BRAF: variants seen among roughly 807,000 people sequenced by gnomAD.
BRAF encodes the protein B-Raf proto-oncogene, serine/threonine kinase.
Under a neutral mutation model 104.6 loss-of-function variants are expected in BRAF, and 16 were observed. The observed-to-expected ratio is 0.15, with a 90% CI of 0.10 to 0.23. The LOEUF is 0.23. Ranked by LOEUF, BRAF falls within the 10% of genes least tolerant of loss-of-function variation. The pLI, the probability that BRAF is intolerant of heterozygous loss-of-function variation, is 1.00. For synonymous variants in BRAF, 310 were observed against 341.6 expected (o/e 0.91, Z 1.02); for missense variants, 541 against 937.3 (o/e 0.58, Z 5.52).
intron 7 of BRAF, 93 bp from the exon 8 acceptor site, chr7:140,794,560 T>C (rs1802326564): frequency 7.0e-7 from 1 of 1,421,658 alleles, no homozygotes; most frequent in South Asian, 1.2e-5. Flanking sequence ...TTTCTTGTTT[T>C]TATATTCTCA....
intron 1 of BRAF, among the ~76,000 whole-genome samples, chr7:140,871,239 CAAAAAAA>C (rs11284186): frequency 3.6e-4 from 22 of 61,176 alleles, no homozygotes; most frequent in African/African-American, 1.2e-3. Context: ...GACTCCGTCT[CAAAAAAA>C]AAAAAAAAAA....
intron 2 of BRAF, among the ~76,000 whole-genome samples, chr7:140,843,039 A>C (rs1217744214): frequency 6.6e-6 from 1 of 152,204 alleles, no homozygotes; most frequent in Non-Finnish European, 1.5e-5. Flanking sequence ...TTATAGAATA[A>C]AATAATCATA....
At chr7:140,818,029 A>G (rs1010092928) in intron 3 of BRAF, among the ~76,000 whole-genome samples, 1 of 148,818 alleles carries the variant, frequency 6.7e-6, no homozygotes, top group Admixed American at 6.6e-5. Context: ...TCACCTTACA[A>G]ATTAAAAAAA....
chr7:140,794,503 A>G, intron 7 of BRAF, 36 bp from the exon 8 acceptor site: 1 of 1,599,498 alleles, frequency 6.3e-7, no homozygotes, highest in Non-Finnish European at 8.6e-7. Context: ...TAAGATTCAG[A>G]GTAACGATAT....
At position 140,722,626 on chromosome 7, in the gene BRAF, C is replaced by G; in HGVS notation, c.*3868G>C. Reference sequence around the variant, plus strand: ...GTATTCCTAGCACTAACAATGCCAACTTGGACAAAGAAGAGAATCTTGCAA... The same window carrying G: ...GTATTCCTAGCACTAACAATGCCAAGTTGGACAAAGAAGAGAATCTTGCAA... On this transcript the variant is annotated 3_prime_UTR_variant, in exon 20 of 20. Transcript: ENST00000644969. 1 of 1,054,064 alleles carries G rather than the reference C, an allele frequency of 9.5e-7. No homozygotes were observed. The highest frequency in any genetic ancestry group is 1.1e-6 in the Non-Finnish European group (1 of 872,168). The allele number at this position is 1,054,064 out of a possible 1,614,324, so 65.3% of individuals were successfully genotyped here.
chr7:140,848,565 A>C (rs991077628), intron 2 of BRAF, among the ~76,000 whole-genome samples: 12 of 152,230 alleles, frequency 7.9e-5, no homozygotes, highest in African/African-American at 2.7e-4. Context: ...ATAGCTATTG[A>C]TGCAAATGAA....
chr7:140,857,021 T>C (rs969160099), intron 1 of BRAF, among the ~76,000 whole-genome samples: 6 of 152,092 alleles, frequency 3.9e-5, no homozygotes. Flanking sequence ...ACTAAACATA[T>C]ACCAAGACCC....
intron 16 of BRAF, among the ~76,000 whole-genome samples, chr7:140,750,738 G>A (rs1356013570): frequency 6.6e-6 from 1 of 152,056 alleles, no homozygotes; most frequent in Non-Finnish European, 1.5e-5. Flanking sequence ...AAGGTATAAT[G>A]TTCAAAGCCT....
intron 1 of BRAF, among the ~76,000 whole-genome samples, chr7:140,878,817 T>A (rs563152182): frequency 2.6e-5 from 4 of 152,222 alleles, no homozygotes; most frequent in African/African-American, 9.6e-5. Flanking sequence ...CATTGCGCAC[T>A]GTATACCTAT....
chr7:140,849,972 A>G, intron 2 of BRAF, 139 bp downstream of exon 2: 1 of 645,848 alleles, frequency 1.5e-6, no homozygotes, highest in Non-Finnish European at 2.7e-6. Context: ...GAAGTATAAT[A>G]CAGGCAAAGC....
At chr7:140,740,050 G>A (rs916046242) in intron 17 of BRAF, 104 bp from the exon 17 acceptor site, 16 of 1,246,960 alleles carry the variant, frequency 1.3e-5, no homozygotes, top group Admixed American at 4.0e-5. Context: ...TACAGCTTAC[G>A]ATGTATGTAT....
intron 14 of BRAF, among the ~76,000 whole-genome samples, chr7:140,772,278 A>T (rs1167449210): frequency 2.7e-3 from 65 of 24,422 alleles, no homozygotes; most frequent in Middle Eastern, 0.014. Flanking sequence ...TAACTACAAC[A>T]ACAACAACAA....
intron 1 of BRAF, 41 bp from the exon 2 acceptor site, chr7:140,850,253 G>C (rs780718003): frequency 7.0e-7 from 1 of 1,423,748 alleles, no homozygotes; most frequent in Non-Finnish European, 9.9e-7. Context: ...AAATCACTTA[G>C]TATATGAATT....
chr7:140,822,175 A>G (rs1374594509), intron 3 of BRAF, among the ~76,000 whole-genome samples: 6 of 152,198 alleles, frequency 3.9e-5, no homozygotes, highest in African/African-American at 1.4e-4. Context: ...GTTGAAAAAA[A>G]AATTTTAATA....
At chr7:140,739,744 A>G (rs1796752607) in intron 18 of BRAF, 68 bp downstream of exon 17, 3 of 1,592,772 alleles carry the variant, frequency 1.9e-6, no homozygotes, top group Admixed American at 1.7e-5. Flanking sequence ...GTGTGCCCAA[A>G]AAAGTGCTCA....
At chr7:140,900,749 T>C (rs1314296022) in intron 1 of BRAF, among the ~76,000 whole-genome samples, 1 of 152,198 alleles carries the variant, frequency 6.6e-6, no homozygotes, top group Non-Finnish European at 1.5e-5. Context: ...TACCTGGGAT[T>C]ACAGGCGTGC....
At chr7:140,819,620 G>T (rs978304067) in intron 3 of BRAF, among the ~76,000 whole-genome samples, 7 of 152,170 alleles carry the variant, frequency 4.6e-5, no homozygotes, top group African/African-American at 1.7e-4. Context: ...ACAAAATGTG[G>T]TATATACAGC....
chr7:140,887,863 G>A (rs1291326391), intron 1 of BRAF, among the ~76,000 whole-genome samples: 1 of 151,480 alleles, frequency 6.6e-6, no homozygotes, highest in Non-Finnish European at 1.5e-5. Context: ...ACAGATGCAT[G>A]CCACCATGCT....
intron 1 of BRAF, among the ~76,000 whole-genome samples, chr7:140,852,468 G>A (rs950091702): frequency 2.0e-5 from 3 of 151,346 alleles, no homozygotes; most frequent in African/African-American, 7.3e-5. Flanking sequence ...CAGATCTACT[G>A]AACTTTAACA....
Sources: allele counts gnomAD v4.1 joint callset (sites outside exome capture counted in the v4.1 genomes callset), GRCh38; gene constraint gnomAD v4.1.1; transcripts MANE v1.5; gene names NCBI Gene and HGNC (gene_info 2026-07-23, HGNC 2026-07-21).